Variants in TPH1 observed in about 807,000 individuals in gnomAD.
TPH1 encodes tryptophan hydroxylase 1.
Under a neutral mutation model 49.5 loss-of-function variants are expected in TPH1, and 37 were observed. The ratio of observed to expected loss-of-function variants is 0.75; its 90% confidence interval spans 0.58 to 0.98. TPH1 has a LOEUF of 0.98. Among genes scored for constraint, TPH1 ranks in the 50% least tolerant of loss-of-function variants. The probability of loss-of-function intolerance (pLI) is 0.00; values close to 1 mark genes in which losing one functional copy is unlikely to be tolerated. For synonymous variants in TPH1, 160 were observed against 182.1 expected (o/e 0.88, Z 0.98); for missense variants, 487 against 523.6 (o/e 0.93, Z 0.68).
chr11:18,022,083 A>C (rs919010379), intron 10 of TPH1, among the ~76,000 whole-genome samples: 3 of 152,220 alleles, frequency 2.0e-5, no homozygotes, highest in Non-Finnish European at 1.5e-5. Flanking sequence ...CCATCATCAC[A>C]ATGTGACCTC....
chr11:18,034,373 G>A (rs17794760), intron 3 of TPH1, among the ~76,000 whole-genome samples: 21,696 of 152,212 alleles, frequency 0.14, 1,740 homozygotes, highest in Middle Eastern at 0.28. Flanking sequence ...ATATCCAGGA[G>A]TGATATTCAA....
chr11:18,038,753 G>A (rs1848071027), intron 2 of TPH1, among the ~76,000 whole-genome samples: 1 of 152,114 alleles, frequency 6.6e-6, no homozygotes, highest in Admixed American at 6.5e-5. Context: ...AGGTTGAGTT[G>A]TTTTTAAGCT....
At chr11:18,030,220 G>A (rs1847973882) in intron 4 of TPH1, among the ~76,000 whole-genome samples, 1 of 151,636 alleles carries the variant, frequency 6.6e-6, no homozygotes. Flanking sequence ...ACCAGCCTGG[G>A]CAACAAAGGG....
At chr11:18,045,474 A>AAC (rs1554899926) in intron 1 of TPH1, among the ~76,000 whole-genome samples, 108 of 65,614 alleles carry the variant, frequency 1.6e-3, no homozygotes, top group African/African-American at 2.9e-3. Context: ...TTAGAATTCC[A>AAC]CCCCCCCCTT....
At position 18,024,622 on chromosome 11, in the gene TPH1, C is replaced by A. The variant is rs187536772; in HGVS notation, c.931-639G>T. On this transcript the variant is annotated intron_variant, in intron 8 of 10. Transcript: ENST00000682019. ...AAGTGGATAGAGTTTCTCAAAAGTT[C>A]AACGGCAATGTGGAATCTGAATTAT... Among the ~76,000 whole-genome samples, 388 of 152,286 alleles carry A rather than the reference C, an allele frequency of 2.5e-3. 1 individual carries two copies. Among genetic ancestry groups the A allele is most frequent in the Middle Eastern group, 0.014 (4 of 294 alleles).
intron 1 of TPH1, among the ~76,000 whole-genome samples, chr11:18,044,776 A>G (rs556338155): frequency 1.8e-5 from 1 of 55,316 alleles, no homozygotes; most frequent in East Asian, 3.3e-4. Flanking sequence ...AAAACAAAAC[A>G]AAAAAACACA....
At chr11:18,028,582 C>T (rs887741443) in intron 6 of TPH1, among the ~76,000 whole-genome samples, 3 of 152,262 alleles carry the variant, frequency 2.0e-5, no homozygotes, top group African/African-American at 7.2e-5. Context: ...GTTAAACACC[C>T]TAAGAGTTCT....
chr11:18,027,555 C>A (rs1847942582), intron 6 of TPH1, among the ~76,000 whole-genome samples: 1 of 152,190 alleles, frequency 6.6e-6, no homozygotes, highest in Non-Finnish European at 1.5e-5. Context: ...ATATCCCCTT[C>A]CAACTTTTGC....
At chr11:18,043,362 T>C (rs529958952) in intron 1 of TPH1, among the ~76,000 whole-genome samples, 24 of 152,314 alleles carry the variant, frequency 1.6e-4, no homozygotes, top group African/African-American at 5.1e-4. Context: ...CCCAGCACAT[T>C]GGAAAGCCAA....
At chr11:18,027,999 G>A (rs1209512764) in intron 6 of TPH1, among the ~76,000 whole-genome samples, 1 of 152,114 alleles carries the variant, frequency 6.6e-6, no homozygotes, top group Non-Finnish European at 1.5e-5. Flanking sequence ...TTCAGACCAC[G>A]ATGGAAATAA....
intron 6 of TPH1, among the ~76,000 whole-genome samples, chr11:18,028,237 G>C (rs1355262073): frequency 6.6e-6 from 1 of 152,198 alleles, no homozygotes; most frequent in Non-Finnish European, 1.5e-5. Context: ...CTTACCCTTT[G>C]TTTATGCCTC....
At chr11:18,033,214 C>A (rs1848009119) in intron 4 of TPH1, 60 bp downstream of exon 4, 1 of 1,313,946 alleles carries the variant, frequency 7.6e-7, no homozygotes, top group Non-Finnish European at 1.1e-6. Context: ...GATCGTGCCA[C>A]TGCACTCCAG....
intron 1 of TPH1, among the ~76,000 whole-genome samples, chr11:18,045,482 C>CCCTT (rs1296740991): frequency 5.6e-4 from 83 of 149,240 alleles, no homozygotes; most frequent in African/African-American, 2.0e-3. Flanking sequence ...CCACCCCCCC[C>CCCTT]TTTTTTTTTT....
rs759091877 is a variant in TPH1 at position 18,023,861 on chromosome 11, T to C, written c.1026+27A>G. 30 of 1,542,686 alleles carry C rather than the reference T, an allele frequency of 1.9e-5. No individual in the cohort carries two copies. In the East Asian group the frequency reaches 6.1e-4, roughly 31 times the overall value. ...TATCAATTATGTTAGGTGAATATGG[T>C]TATATACAAAGATTTGCAACTCTTA... On this transcript the variant is annotated intron_variant, in intron 9 of 10. Coordinates refer to ENST00000682019, the MANE Select transcript of TPH1 (RefSeq NM_004179.3).
intron 1 of TPH1, among the ~76,000 whole-genome samples, chr11:18,044,672 CT>C (rs1335551240): frequency 6.6e-6 from 1 of 151,976 alleles, no homozygotes; most frequent in Non-Finnish European, 1.5e-5. Context: ...CCCCAAACCG[CT>C]TTCAGAACCT....
intron 7 of TPH1, 76 bp downstream of exon 7, chr11:18,026,414 A>T: frequency 7.9e-7 from 1 of 1,266,484 alleles, no homozygotes; most frequent in Non-Finnish European, 1.1e-6. Flanking sequence ...AAAAAAAAAA[A>T]AAAGAACCCA....
At position 18,031,721 on chromosome 11, in the gene TPH1, C is replaced by G. The variant is rs376721477; in HGVS notation, c.402+1553G>C. On this transcript the variant is annotated intron_variant, in intron 4 of 10. Transcript: ENST00000682019. ...ATGTACTCACCTTTCCATAAACATG[C>G]CCCAGATTTTCTTGCCTCTGAACCT... Among the ~76,000 whole-genome samples, 68 of 152,216 alleles carry G rather than the reference C, an allele frequency of 4.5e-4. No homozygotes were observed. In the South Asian group the frequency reaches 0.014, roughly 31 times the overall value.
chr11:18,025,825 TCACAAAGGA>T, intron 7 of TPH1, 124 bp from the exon 8 acceptor site: 1 of 1,401,774 alleles, frequency 7.1e-7, no homozygotes, highest in Non-Finnish European at 9.9e-7. Flanking sequence ...TAGTAATGGA[TCACAAAGGA>T]CACTAATCAA....
At chr11:18,038,924 G>A (rs1383461095) in intron 2 of TPH1, among the ~76,000 whole-genome samples, 1 of 151,856 alleles carries the variant, frequency 6.6e-6, no homozygotes, top group Non-Finnish European at 1.5e-5. Context: ...AGGGAGGGAG[G>A]TGGTATCAGT....
Sources: allele counts gnomAD v4.1 joint callset (sites outside exome capture counted in the v4.1 genomes callset), GRCh38; gene constraint gnomAD v4.1.1; transcripts MANE v1.5; gene names NCBI Gene and HGNC (gene_info 2026-07-23, HGNC 2026-07-21).